The following INPP4B variants were observed in gnomAD, a reference collection of about 807,000 sequenced individuals.
INPP4B encodes the protein inositol polyphosphate-4-phosphatase type II B, also known as inositol polyphosphate 4-phosphatase type II.
INPP4B carries 55 observed loss-of-function variants against 122.5 expected under a neutral mutation model. The observed-to-expected ratio is 0.45, with a 90% CI of 0.36 to 0.56. The LOEUF is 0.56. INPP4B is among the 20% of genes least tolerant of loss of function. The pLI, the probability that INPP4B is intolerant of heterozygous loss-of-function variation, is 0.00. For missense variants in INPP4B, 1,000 were observed against 1,097.7 expected, an observed-to-expected ratio of 0.91 and a Z score of 1.26; for synonymous variants, 403 against 388.7, an observed-to-expected ratio of 1.04 and a Z score of -0.43.
intron 1 of INPP4B, among the ~76,000 whole-genome samples, chr4:142,753,057 C>A (rs1769968215): frequency 6.6e-6 from 1 of 152,084 alleles, no homozygotes. Context: ...AGCCTCAAGA[C>A]ACATGATAAA....
intron 1 of INPP4B, among the ~76,000 whole-genome samples, chr4:142,750,943 G>A (rs956946399): frequency 6.6e-6 from 1 of 152,002 alleles, no homozygotes; most frequent in Non-Finnish European, 1.5e-5. Context: ...TATCAGATGA[G>A]AAAACTTAAT....
chr4:142,416,343 G>T (rs1805765104), intron 5 of INPP4B, among the ~76,000 whole-genome samples: 1 of 152,078 alleles, frequency 6.6e-6, no homozygotes, highest in African/African-American at 2.4e-5. Context: ...CATGGTCTGG[G>T]TTTTACCAAA....
At chr4:142,451,246 G>GTTTTTTTTTT (rs758479962) in intron 3 of INPP4B, among the ~76,000 whole-genome samples, 3 of 97,726 alleles carry the variant, frequency 3.1e-5, no homozygotes, top group Non-Finnish European at 6.1e-5. Flanking sequence ...TGTTGCTGTT[G>GTTTTTTTTTT]TTTTTTTTTT....
At chr4:142,158,965 C>T (rs943828424) in intron 17 of INPP4B, among the ~76,000 whole-genome samples, 1 of 151,950 alleles carries the variant, frequency 6.6e-6, no homozygotes, top group African/African-American at 2.4e-5. Flanking sequence ...TCGAACTCTT[C>T]AAAATTCACA....
chr4:142,033,165 AG>A (rs1254681211), intron 25 of INPP4B, among the ~76,000 whole-genome samples: 2 of 152,244 alleles, frequency 1.3e-5, no homozygotes, highest in Non-Finnish European at 2.9e-5. Context: ...CCTGTAATCC[AG>A]GGGTAACCAT....
intron 2 of INPP4B, among the ~76,000 whole-genome samples, chr4:142,547,551 C>G (rs191349357): frequency 3.4e-4 from 52 of 152,182 alleles, no homozygotes; most frequent in South Asian, 8.3e-4. Context: ...GCAAATCAGA[C>G]AGTAAAAGAG....
intron 11 of INPP4B, among the ~76,000 whole-genome samples, chr4:142,255,623 G>A (rs1735453247): frequency 6.6e-6 from 1 of 152,168 alleles, no homozygotes; most frequent in Non-Finnish European, 1.5e-5. Flanking sequence ...TTACATAATG[G>A]TAAATGGATC....
In INPP4B at chr4:142,193,202, T is replaced by G. The variant is rs1836737544; in HGVS notation, c.1073-7A>C. 6.4e-7 allele frequency: 1 copy of G among 1,556,296 alleles called. No individual in the cohort carries two copies. The highest frequency in any genetic ancestry group is 1.4e-5 in the African/African-American group (1 of 73,692). ...ATGACATCGTAGAGAGCATCTGGAGTAGAAACAGACAAGGAGATGAACACT... is the reference window on the plus strand; with the variant it reads ...ATGACATCGTAGAGAGCATCTGGAGGAGAAACAGACAAGGAGATGAACACT... On this transcript the variant is annotated splice_polypyrimidine_tract_variant and splice_region_variant and intron_variant, in intron 14 of 25. Coordinates refer to ENST00000262992, the MANE Select transcript of INPP4B (RefSeq NM_001101669.3).
chr4:142,609,058 A>G (rs1345042606), intron 2 of INPP4B, among the ~76,000 whole-genome samples: 1 of 152,084 alleles, frequency 6.6e-6, no homozygotes, highest in Non-Finnish European at 1.5e-5. Context: ...TTCTTACTCT[A>G]TAATGATATT....
At chr4:142,816,652 G>A (rs1417877062) in intron 1 of INPP4B, among the ~76,000 whole-genome samples, 19 of 151,762 alleles carry the variant, frequency 1.3e-4, no homozygotes, top group Admixed American at 1.2e-3. Flanking sequence ...CTACATATGC[G>A]TATGCATACA....
At chr4:142,829,135 G>A (rs1781790578) in intron 1 of INPP4B, among the ~76,000 whole-genome samples, 1 of 150,256 alleles carries the variant, frequency 6.7e-6, no homozygotes, top group Non-Finnish European at 1.5e-5. Context: ...ATTTGAAAAA[G>A]GAGCAAGAAG....
intron 2 of INPP4B, among the ~76,000 whole-genome samples, chr4:142,695,595 A>G (rs1414896807): frequency 6.6e-6 from 1 of 152,184 alleles, no homozygotes; most frequent in Non-Finnish European, 1.5e-5. Flanking sequence ...ATTTATGATG[A>G]AAATAACTAG....
chr4:142,348,338 T>A (rs1308412682), intron 7 of INPP4B, among the ~76,000 whole-genome samples: 1 of 152,026 alleles, frequency 6.6e-6, no homozygotes, highest in African/African-American at 2.4e-5. Context: ...GAGTAAGGCA[T>A]CCACCATTCA....
chr4:142,369,171 A>G (rs1788760256), intron 7 of INPP4B, among the ~76,000 whole-genome samples: 1 of 152,072 alleles, frequency 6.6e-6, no homozygotes, highest in Non-Finnish European at 1.5e-5. Flanking sequence ...TGGGGTTTTG[A>G]TTGTTCTCTT....
intron 2 of INPP4B, among the ~76,000 whole-genome samples, chr4:142,589,260 A>G (rs973716715): frequency 3.3e-5 from 5 of 152,076 alleles, no homozygotes; most frequent in Non-Finnish European, 4.4e-5. Context: ...AGATATAACC[A>G]TAAAAGTTCA....
chr4:142,490,063 T>C (rs1821688722), intron 2 of INPP4B, among the ~76,000 whole-genome samples: 1 of 152,060 alleles, frequency 6.6e-6, no homozygotes, highest in South Asian at 2.1e-4. Flanking sequence ...TTTATGGTTT[T>C]ATTATAATTA....
At chr4:142,733,792 C>G (rs76249716) in intron 1 of INPP4B, among the ~76,000 whole-genome samples, 5,899 of 152,178 alleles carry the variant, frequency 0.039, 144 homozygotes, top group African/African-American at 0.055. Flanking sequence ...TTATGTACAA[C>G]AATATTCTCA....
intron 1 of INPP4B, among the ~76,000 whole-genome samples, chr4:142,739,445 G>A (rs780458324): frequency 1.3e-5 from 2 of 152,026 alleles, no homozygotes; most frequent in African/African-American, 2.4e-5. Context: ...AGATGGTAAT[G>A]AGTCAATTTT....
Position 142,759,825 on chromosome 4 carries a change from TAAA to T in INPP4B, c.-253-33927_-253-33925del, listed in dbSNP as rs70949188. On this transcript the variant is annotated intron_variant, in intron 1 of 25. Coordinates refer to ENST00000262992, the MANE Select transcript of INPP4B (RefSeq NM_001101669.3). ...CCCAGAGCTTATATAGAGCTTTTTC[TAAA>T]AAAAAAAAAAAAAAAAAAAAAAAAA... Among the ~76,000 whole-genome samples, 356 of 70,040 alleles carry T rather than the reference TAAA, an allele frequency of 5.1e-3. 4 individuals carry two copies. The highest frequency in any genetic ancestry group is 0.018 in the African/African-American group (324 of 17,892). 45.9% of individuals were successfully genotyped at this position (70,040 alleles called of 152,430 possible). A position where few individuals can be genotyped will look rare whatever the true frequency, so the allele number is the denominator to read the frequency against.
Sources: gnomAD v4.1 joint callset for allele counts (sites outside exome capture counted in the v4.1 genomes callset) on GRCh38, gnomAD v4.1.1 for gene constraint, MANE v1.5 for transcripts, NCBI Gene and HGNC (gene_info 2026-07-23, HGNC 2026-07-21) for gene names.